TANC2: variants seen among roughly 807,000 people sequenced by gnomAD.
TANC2 encodes tetratricopeptide repeat, ankyrin repeat and coiled-coil containing 2.
In TANC2, 26 loss-of-function variants were observed where a neutral mutation model predicts 210.5. That is an observed-to-expected ratio of 0.12 (90% CI 0.09 to 0.17). TANC2 has a LOEUF of 0.17. TANC2 is among the 10% of genes least tolerant of loss of function. The pLI is 1.00. For missense variants in TANC2, 2,129 were observed against 2,608.9 expected (o/e 0.82, Z 4.01); for synonymous variants, 931 against 967.1 (o/e 0.96, Z 0.69).
intron 9 of TANC2, among the ~76,000 whole-genome samples, chr17:63,274,269 G>T: frequency 6.6e-6 from 1 of 150,964 alleles, no homozygotes; most frequent in African/African-American, 2.4e-5. Flanking sequence ...TACAAAAATT[G>T]ATATTTCCAG....
rs556602629 is a variant in TANC2, at chr17:63,263,089, A to G, written c.1034-4659A>G. ...TTAGCTGGGTTTCCAGTAGACCTAG[A>G]TAACTAAGACGGGAAACATAAAGCG... is the stretch of plus-strand genomic sequence containing the variant. On this transcript the variant is annotated intron_variant, in intron 8 of 27. Coordinates refer to ENST00000689528, the Ensembl canonical transcript of TANC2. 9.8e-5 allele frequency among the ~76,000 whole-genome samples: 15 copies of G among 152,314 alleles called. No individual in the cohort carries two copies. In the South Asian group the frequency reaches 1.0e-3, roughly 11 times the overall value.
intron 8 of TANC2, among the ~76,000 whole-genome samples, chr17:63,255,099 ATTTATTTTT>A (rs201010726): frequency 0.011 from 1,502 of 135,088 alleles, 30 homozygotes; most frequent in African/African-American, 0.039. Context: ...TTATTTATTT[ATTTATTTTT>A]ATTTATTTAT....
In TANC2 at chr17:63,420,536, C is replaced by T. The variant is rs772430929; in HGVS notation, c.4806C>T (p.Pro1602=). ...AGGGAGGATCTTACCGTTTCAGCCC[C>T]CCTCCTGTGGGAGGACAGGGCAAAG... The change falls in exon 28 of 28, where the codon CCC becomes CCT. Residue 1602 remains proline (P), a synonymous_variant. Transcript: ENST00000689528. This position sits in a 1 kb window ranked among gnomAD's most constrained non-coding sequence, Gnocchi z 4.2. 4 of 1,613,816 alleles carry T rather than the reference C, an allele frequency of 2.5e-6. No individual in the cohort carries two copies. Among genetic ancestry groups the T allele is most frequent in the Middle Eastern group, 1.6e-4 (1 of 6,084 alleles).
intron 4 of TANC2, among the ~76,000 whole-genome samples, chr17:63,127,413 A>G (rs941583471): frequency 6.6e-6 from 1 of 152,132 alleles, no homozygotes; most frequent in Admixed American, 6.6e-5. Context: ...TTGAAAAGAC[A>G]TTTCTTATCA....
chr17:63,180,142 A>C (rs1482617149), intron 5 of TANC2, among the ~76,000 whole-genome samples: 1 of 152,174 alleles, frequency 6.6e-6, no homozygotes, highest in African/African-American at 2.4e-5. Flanking sequence ...TCAAAAAAAC[A>C]AAAAACAAAA....
exon 14 of TANC2, chr17:63,355,034 T>C: frequency 1.9e-6 from 3 of 1,613,928 alleles, no homozygotes; most frequent in Non-Finnish European, 2.5e-6. Context: ...AGAAAGGCTA[T>C]CTAGTGTTAA....
At chr17:63,143,519 C>T (rs1228882543) in intron 4 of TANC2, among the ~76,000 whole-genome samples, 1 of 152,118 alleles carries the variant, frequency 6.6e-6, no homozygotes, top group Non-Finnish European at 1.5e-5. Flanking sequence ...TGACTAAATA[C>T]AGAAAAGCAT....
At chr17:63,271,406 T>G (rs545552617) in intron 9 of TANC2, among the ~76,000 whole-genome samples, 1 of 151,950 alleles carries the variant, frequency 6.6e-6, no homozygotes, top group South Asian at 2.1e-4. Flanking sequence ...TTTGCATTTC[T>G]CTAAAGATCA....
chr17:62,970,025 A>G (rs967833536), intron 1 of TANC2, among the ~76,000 whole-genome samples: 1 of 152,216 alleles, frequency 6.6e-6, no homozygotes, highest in Admixed American at 6.5e-5. Flanking sequence ...TAAAGACTTC[A>G]CAATGCAGCC....
At chr17:63,303,643 T>C (rs767417971) in intron 9 of TANC2, among the ~76,000 whole-genome samples, 2 of 152,146 alleles carry the variant, frequency 1.3e-5, no homozygotes, top group Non-Finnish European at 2.9e-5. Context: ...TGTTGGCCTG[T>C]CTTGCTAGGT....
At chr17:63,051,611 A>G (rs2035585437) in intron 2 of TANC2, among the ~76,000 whole-genome samples, 1 of 152,174 alleles carries the variant, frequency 6.6e-6, no homozygotes, top group South Asian at 2.1e-4. Context: ...GTATGTATAA[A>G]TGGTTCCTGA....
At chr17:63,046,022 A>G (rs1413988199) in intron 2 of TANC2, among the ~76,000 whole-genome samples, 2 of 152,158 alleles carry the variant, frequency 1.3e-5, no homozygotes, top group Non-Finnish European at 2.9e-5. Context: ...TAATCATTGT[A>G]TTCACTTTTC....
chr17:62,972,986 C>CT (rs761332153), intron 1 of TANC2, among the ~76,000 whole-genome samples: 1 of 151,852 alleles, frequency 6.6e-6, no homozygotes. Flanking sequence ...ATGATGTTCT[C>CT]TATCTATTCT....
intron 19 of TANC2, among the ~76,000 whole-genome samples, chr17:63,404,092 A>C (rs1345694685): frequency 6.6e-6 from 1 of 152,208 alleles, no homozygotes; most frequent in Non-Finnish European, 1.5e-5. Context: ...GCTGACTACT[A>C]CATCAATTTT....
chr17:63,167,483 C>T (rs2040249045), intron 5 of TANC2, among the ~76,000 whole-genome samples: 1 of 151,960 alleles, frequency 6.6e-6, no homozygotes, highest in Non-Finnish European at 1.5e-5. Context: ...CATTTTTAAA[C>T]TGGCTTAATT....
At chr17:63,176,927 C>G (rs2040604812) in intron 5 of TANC2, among the ~76,000 whole-genome samples, 1 of 151,678 alleles carries the variant, frequency 6.6e-6, no homozygotes, top group African/African-American at 2.4e-5. Flanking sequence ...TGTTCAGTAT[C>G]TTGATTTTGG....
intron 5 of TANC2, among the ~76,000 whole-genome samples, chr17:63,164,810 T>G (rs1021693559): frequency 6.6e-6 from 1 of 152,166 alleles, no homozygotes; most frequent in South Asian, 2.1e-4. Flanking sequence ...CTTTTTTCTT[T>G]TATTCAGACC....
At chr17:63,172,509 T>C (rs2040439922) in intron 5 of TANC2, among the ~76,000 whole-genome samples, 2 of 152,102 alleles carry the variant, frequency 1.3e-5, no homozygotes, top group Admixed American at 6.6e-5. Context: ...ATGAAAACTT[T>C]TAATAACTGC....
chr17:63,100,968 G>C (rs2144918704), intron 4 of TANC2, among the ~76,000 whole-genome samples: 1 of 152,178 alleles, frequency 6.6e-6, no homozygotes, highest in East Asian at 1.9e-4. Flanking sequence ...ATTTACTGAA[G>C]ACTATCAAAG....
Sources: allele counts gnomAD v4.1 joint callset (sites outside exome capture counted in the v4.1 genomes callset), GRCh38; gene constraint gnomAD v4.1.1; non-coding constraint Gnocchi (gnomAD v3.1); transcripts MANE v1.5; gene names NCBI Gene and HGNC (gene_info 2026-07-23, HGNC 2026-07-21).